MAF: variants seen among roughly 807,000 people sequenced by gnomAD.
The protein encoded by MAF is transcription factor Maf.
In MAF, 10 loss-of-function variants were observed where a neutral mutation model predicts 22.0. The ratio of observed to expected loss-of-function variants is 0.45; its 90% confidence interval spans 0.28 to 0.77. The LOEUF (loss-of-function observed/expected upper bound fraction) is 0.77, where lower values mean the gene tolerates loss of function less well. Ranked by LOEUF, MAF falls within the 30% of genes least tolerant of loss-of-function variation. The pLI is 0.12. For synonymous variants in MAF, 337 were observed against 255.8 expected, an observed-to-expected ratio of 1.32 and a Z score of -3.03; for missense variants, 544 against 548.4, an observed-to-expected ratio of 0.99 and a Z score of 0.08.
At chr16:79,437,000 T>C in the MAF span, among the ~76,000 whole-genome samples, 1 of 152,192 alleles carries the variant, frequency 6.6e-6, no homozygotes, top group South Asian at 2.1e-4. Flanking sequence ...TCCCGCACTT[T>C]AGAGTCACAA....
the MAF span, among the ~76,000 whole-genome samples, chr16:79,328,634 G>A: frequency 6.6e-6 from 1 of 152,210 alleles, no homozygotes; most frequent in African/African-American, 2.4e-5. Context: ...TTGAGATTGG[G>A]CAGGGAAGTT....
downstream of MAF, among the ~76,000 whole-genome samples, chr16:79,582,622 G>C (rs1912590393): frequency 1.3e-5 from 2 of 152,204 alleles, no homozygotes; most frequent in Non-Finnish European, 2.9e-5. Context: ...TGATGTGGTA[G>C]TTAGGGAGGA....
the MAF span, among the ~76,000 whole-genome samples, chr16:79,457,219 T>C: frequency 6.6e-6 from 1 of 152,098 alleles, no homozygotes; most frequent in South Asian, 2.1e-4. Flanking sequence ...ATGCAACAGG[T>C]GTCACTTGCA....
the MAF span, among the ~76,000 whole-genome samples, chr16:79,495,179 T>C: frequency 3.3e-5 from 5 of 152,184 alleles, no homozygotes; most frequent in African/African-American, 1.2e-4. Flanking sequence ...GCAAAAGATG[T>C]GGCCAAACTC....
chr16:79,503,649 A>C, the MAF span, among the ~76,000 whole-genome samples: 1 of 152,146 alleles, frequency 6.6e-6, no homozygotes, highest in Non-Finnish European at 1.5e-5. Context: ...CTACAGAGGA[A>C]CTGCTTTGTT....
the MAF span, among the ~76,000 whole-genome samples, chr16:79,241,010 C>T: frequency 1.3e-5 from 2 of 152,184 alleles, no homozygotes; most frequent in African/African-American, 4.8e-5. Context: ...AACAAAAAGA[C>T]ATCCACTCAC....
the MAF span, among the ~76,000 whole-genome samples, chr16:79,210,566 C>T: frequency 2.0e-5 from 3 of 152,210 alleles, no homozygotes; most frequent in African/African-American, 7.2e-5. Context: ...TCTTGCAACC[C>T]CTCTCCCTCT....
At chr16:79,466,244 T>C in the MAF span, among the ~76,000 whole-genome samples, 1 of 152,180 alleles carries the variant, frequency 6.6e-6, no homozygotes. Context: ...CAGACTTGTC[T>C]CAGCACAGGT....
chr16:79,244,901 G>C, the MAF span, among the ~76,000 whole-genome samples: 21 of 151,988 alleles, frequency 1.4e-4, no homozygotes, highest in African/African-American at 4.6e-4. Context: ...AGAGGCCTCA[G>C]AAATAATACC....
chr16:79,335,796 G>T, the MAF span, among the ~76,000 whole-genome samples: 1 of 152,228 alleles, frequency 6.6e-6, no homozygotes, highest in African/African-American at 2.4e-5. Context: ...TCTGGTTGGT[G>T]ATTTTCTTCT....
chr16:79,545,161 A>G, the MAF span, among the ~76,000 whole-genome samples: 1 of 152,130 alleles, frequency 6.6e-6, no homozygotes, highest in Admixed American at 6.5e-5. Context: ...GTTCTAAATT[A>G]TATCCTTAAA....
chr16:79,504,819 T>TATAC, the MAF span, among the ~76,000 whole-genome samples: 2 of 152,160 alleles, frequency 1.3e-5, no homozygotes, highest in Non-Finnish European at 1.5e-5. Flanking sequence ...GAGGGGACAA[T>TATAC]ATACATTTTC....
chr16:79,392,477 G>A, the MAF span, among the ~76,000 whole-genome samples: 1 of 142,538 alleles, frequency 7.0e-6, no homozygotes. Flanking sequence ...ATGAGAGAAG[G>A]AGGGATGGAG....
the MAF span, among the ~76,000 whole-genome samples, chr16:79,322,355 CAA>C: frequency 6.6e-6 from 1 of 152,086 alleles, no homozygotes; most frequent in South Asian, 2.1e-4. Flanking sequence ...CCCTAGGAGA[CAA>C]AGTGTTAAGT....
chr16:79,328,620 C>G, the MAF span, among the ~76,000 whole-genome samples: 1 of 152,310 alleles, frequency 6.6e-6, no homozygotes, highest in African/African-American at 2.4e-5. Flanking sequence ...GAAGACAAAG[C>G]TTATTGAGAT....
chr16:79,458,258 C>T, the MAF span, among the ~76,000 whole-genome samples: 14 of 152,104 alleles, frequency 9.2e-5, no homozygotes, highest in East Asian at 2.1e-3. Flanking sequence ...GAGCCTGGGA[C>T]ACCTGAGTTT....
At chr16:79,415,835 G>C in the MAF span, among the ~76,000 whole-genome samples, 2 of 151,830 alleles carry the variant, frequency 1.3e-5, no homozygotes, top group Non-Finnish European at 2.9e-5. Context: ...TAAAACAATG[G>C]CAACTCTCAA....
chr16:79,434,076 C>T, the MAF span, among the ~76,000 whole-genome samples: 1 of 152,146 alleles, frequency 6.6e-6, no homozygotes, highest in African/African-American at 2.4e-5. Flanking sequence ...AGACTAGAGT[C>T]AAATAGGCTT....
chr16:79,344,645 T>C, the MAF span, among the ~76,000 whole-genome samples: 1 of 152,186 alleles, frequency 6.6e-6, no homozygotes, highest in South Asian at 2.1e-4. Flanking sequence ...ACTCTTATCA[T>C]TGCAAAGAGC....
Sources: gnomAD v4.1 joint callset for allele counts (sites outside exome capture counted in the v4.1 genomes callset) on GRCh38, gnomAD v4.1.1 for gene constraint, MANE v1.5 for transcripts, NCBI Gene and HGNC (gene_info 2026-07-23, HGNC 2026-07-21) for gene names.